Variants in PRKN observed in about 807,000 individuals in gnomAD.
PRKN encodes the protein parkin RBR E3 ubiquitin protein ligase.
Under a neutral mutation model 59.5 loss-of-function variants are expected in PRKN, and 56 were observed. The observed-to-expected ratio is 0.94, with a 90% confidence interval of 0.76 to 1.18. The LOEUF (loss-of-function observed/expected upper bound fraction) is 1.18, where lower values mean the gene tolerates loss of function less well. PRKN is among the 50% of genes most tolerant of loss of function. The pLI is 0.00. For missense variants in PRKN, 657 were observed against 596.4 expected (o/e 1.10, Z -1.06); for synonymous variants, 250 against 222.1 (o/e 1.13, Z -1.12).
chr6:161,756,131 C>G (rs1319870998), intron 7 of PRKN, among the ~76,000 whole-genome samples: 1 of 152,100 alleles, frequency 6.6e-6, no homozygotes, highest in Non-Finnish European at 1.5e-5. Context: ...ATTACTATAA[C>G]TAAACATTGT....
Position 162,611,274 on chromosome 6 carries a change from G to A in PRKN, c.7+116388C>T, listed in dbSNP as rs527758890. Among the ~76,000 whole-genome samples the A allele has an allele frequency of 2.6e-5, 4 of 152,282 alleles. No homozygotes were observed. The East Asian group carries it at 7.7e-4, about 29-fold the overall frequency. On this transcript the variant is annotated intron_variant, in intron 1 of 11. Transcript: ENST00000366898. ...TATATCAATGAATGGATAAATTAAA[G>A]TAGCTTATTGCTTTTCAAATATTTG...
intron 3 of PRKN, among the ~76,000 whole-genome samples, chr6:162,218,354 G>A (rs944582797): frequency 2.6e-5 from 4 of 152,070 alleles, no homozygotes; most frequent in East Asian, 1.9e-4. Flanking sequence ...GGAGGCTGTC[G>A]TGACTCGTTC....
chr6:162,411,158 T>G (rs1788337428), intron 2 of PRKN, among the ~76,000 whole-genome samples: 1 of 152,196 alleles, frequency 6.6e-6, no homozygotes, highest in South Asian at 2.1e-4. Context: ...GTTGCAGGGA[T>G]GTTTTAAAAG....
intron 1 of PRKN, among the ~76,000 whole-genome samples, chr6:162,720,383 A>G (rs945866273): frequency 1.3e-5 from 2 of 151,850 alleles, no homozygotes; most frequent in African/African-American, 4.8e-5. Flanking sequence ...ATTGGAGAGA[A>G]TCATCAAGAA....
chr6:162,724,346 A>C (rs531084831), intron 1 of PRKN, among the ~76,000 whole-genome samples: 1 of 152,316 alleles, frequency 6.6e-6, no homozygotes, highest in East Asian at 1.9e-4. Flanking sequence ...TCAACACATC[A>C]ATCACAATGC....
At chr6:162,006,303 A>G (rs1782251309) in intron 5 of PRKN, among the ~76,000 whole-genome samples, 1 of 152,102 alleles carries the variant, frequency 6.6e-6, no homozygotes, top group Admixed American at 6.5e-5. Flanking sequence ...AAATTCTCAC[A>G]CCACTAATTG....
intron 4 of PRKN, among the ~76,000 whole-genome samples, chr6:162,097,189 T>A (rs1361953739): frequency 6.6e-6 from 1 of 152,186 alleles, no homozygotes; most frequent in African/African-American, 2.4e-5. Flanking sequence ...AATTATTATT[T>A]AACATGAAAA....
intron 1 of PRKN, among the ~76,000 whole-genome samples, chr6:162,486,819 C>T (rs1792561723): frequency 6.6e-6 from 1 of 152,066 alleles, no homozygotes; most frequent in African/African-American, 2.4e-5. Context: ...CCTGTAATAC[C>T]AGCATATTGG....
chr6:162,223,914 G>C (rs1243044449), intron 3 of PRKN, among the ~76,000 whole-genome samples: 1 of 152,004 alleles, frequency 6.6e-6, no homozygotes, highest in Non-Finnish European at 1.5e-5. Context: ...TTATTCCAAT[G>C]TATCCCTTTT....
chr6:162,590,828 T>C (rs890247489), intron 1 of PRKN, among the ~76,000 whole-genome samples: 1 of 152,132 alleles, frequency 6.6e-6, no homozygotes, highest in Non-Finnish European at 1.5e-5. Context: ...ACGTGTCACT[T>C]AGGAGCACAT....
intron 2 of PRKN, among the ~76,000 whole-genome samples, chr6:162,297,174 CTTTTT>C (rs10681721): frequency 3.6e-5 from 5 of 139,328 alleles, no homozygotes; most frequent in Middle Eastern, 3.7e-3. Flanking sequence ...TTTTTCTTTT[CTTTTT>C]TTTTTTTTTT....
chr6:161,537,713 A>G (rs1175449842), intron 9 of PRKN, among the ~76,000 whole-genome samples: 1 of 152,156 alleles, frequency 6.6e-6, no homozygotes, highest in Non-Finnish European at 1.5e-5. Context: ...AGCCTCCCAA[A>G]GTGCTGGGAT....
intron 7 of PRKN, among the ~76,000 whole-genome samples, chr6:161,682,804 ACCATC>A (rs1045839692): frequency 3.9e-5 from 6 of 152,042 alleles, no homozygotes; most frequent in Non-Finnish European, 7.4e-5. Context: ...AGCATGAAGA[ACCATC>A]CCTGCACCAC....
At chr6:161,450,224 T>C (rs1250411024) in intron 9 of PRKN, among the ~76,000 whole-genome samples, 1 of 152,182 alleles carries the variant, frequency 6.6e-6, no homozygotes, top group Non-Finnish European at 1.5e-5. Context: ...TGATTGCCAC[T>C]GGCAAAGACG....
intron 7 of PRKN, among the ~76,000 whole-genome samples, chr6:161,612,113 C>T (rs536062762): frequency 2.6e-5 from 4 of 152,296 alleles, no homozygotes; most frequent in East Asian, 3.9e-4. Context: ...GAGGTTGGCT[C>T]ATGAAGCTTA....
At chr6:162,384,650 A>AAAC (rs1321877506) in intron 2 of PRKN, among the ~76,000 whole-genome samples, 1 of 143,616 alleles carries the variant, frequency 7.0e-6, no homozygotes, top group African/African-American at 2.6e-5. Flanking sequence ...CAATTTGTAA[A>AAAC]AAAAAAAAAA....
At chr6:161,856,855 T>C (rs567887705) in intron 6 of PRKN, among the ~76,000 whole-genome samples, 1 of 152,342 alleles carries the variant, frequency 6.6e-6, no homozygotes, top group East Asian at 1.9e-4. Flanking sequence ...AGAGTTTATA[T>C]AAATACTGAA....
intron 7 of PRKN, among the ~76,000 whole-genome samples, chr6:161,583,523 G>C (rs759161386): frequency 6.6e-6 from 1 of 151,618 alleles, no homozygotes; most frequent in Non-Finnish European, 1.5e-5. Flanking sequence ...CTTTTTAAAG[G>C]TGTTTTTCAA....
At chr6:161,682,296 T>C (rs1785395631) in intron 7 of PRKN, among the ~76,000 whole-genome samples, 1 of 152,176 alleles carries the variant, frequency 6.6e-6, no homozygotes. Flanking sequence ...GCTTGGGTGA[T>C]GCCGGGGAGG....
Sources: gnomAD v4.1 joint callset for allele counts (sites outside exome capture counted in the v4.1 genomes callset) on GRCh38, gnomAD v4.1.1 for gene constraint, MANE v1.5 for transcripts, NCBI Gene and HGNC (gene_info 2026-07-23, HGNC 2026-07-21) for gene names.